The following KCNIP4 variants were observed in gnomAD, a reference collection of about 807,000 sequenced individuals.
The protein encoded by KCNIP4 is potassium voltage-gated channel interacting protein 4.
KCNIP4 carries 12 observed loss-of-function variants against 34.0 expected under a neutral mutation model. The ratio of observed to expected loss-of-function variants is 0.35; its 90% CI spans 0.23 to 0.57. KCNIP4 has a LOEUF of 0.57. Among genes scored for constraint, KCNIP4 ranks in the 20% least tolerant of loss-of-function variants. The pLI is 0.83. For synonymous variants in KCNIP4, 124 were observed against 102.2 expected (o/e 1.21, Z -1.29); for missense variants, 238 against 311.7 (o/e 0.76, Z 1.78).
At chr4:21,592,294 T>A (rs35823075) in intron 1 of KCNIP4, among the ~76,000 whole-genome samples, 23,314 of 152,110 alleles carry the variant, frequency 0.15, 2,074 homozygotes, top group South Asian at 0.21. Flanking sequence ...TTGGTAACTA[T>A]GGATCATGGA....
chr4:21,295,282 C>A (rs1763771368), intron 1 of KCNIP4, among the ~76,000 whole-genome samples: 1 of 152,120 alleles, frequency 6.6e-6, no homozygotes. Flanking sequence ...AGTGTTGAAT[C>A]CATGCCCTGG....
chr4:20,946,477 G>A (rs1295400430), intron 1 of KCNIP4, among the ~76,000 whole-genome samples: 1 of 152,196 alleles, frequency 6.6e-6, no homozygotes, highest in African/African-American at 2.4e-5. Flanking sequence ...TGCAGGGCCT[G>A]TGTGTACACT....
intron 1 of KCNIP4, among the ~76,000 whole-genome samples, chr4:21,917,055 A>G (rs1177771136): frequency 5.9e-5 from 9 of 152,226 alleles, no homozygotes; most frequent in Non-Finnish European, 2.9e-5. Context: ...TCTGTGGTCC[A>G]TTCCTTATGT....
At chr4:21,250,898 A>G (rs1760651571) in intron 1 of KCNIP4, among the ~76,000 whole-genome samples, 1 of 150,282 alleles carries the variant, frequency 6.7e-6, no homozygotes, top group African/African-American at 2.4e-5. Flanking sequence ...TATTATACTC[A>G]TATATGTTTC....
chr4:21,538,737 C>T (rs1394505906), intron 1 of KCNIP4, among the ~76,000 whole-genome samples: 1 of 152,192 alleles, frequency 6.6e-6, no homozygotes, highest in Non-Finnish European at 1.5e-5. Flanking sequence ...GTTTCGGCAT[C>T]TGAGCTATGT....
intron 1 of KCNIP4, among the ~76,000 whole-genome samples, chr4:21,459,927 C>T (rs546121232): frequency 1.3e-4 from 20 of 151,894 alleles, no homozygotes; most frequent in African/African-American, 4.6e-4. Context: ...TCCAGGTGGT[C>T]TCCCTGGAAA....
chr4:21,109,020 C>G (rs1748862851), intron 1 of KCNIP4, among the ~76,000 whole-genome samples: 1 of 152,178 alleles, frequency 6.6e-6, no homozygotes, highest in African/African-American at 2.4e-5. Flanking sequence ...TGGGGGGTGC[C>G]TCCCAGTTAG....
chr4:21,113,690 T>C (rs12646516), intron 1 of KCNIP4, among the ~76,000 whole-genome samples: 44,986 of 152,032 alleles, frequency 0.3, 7,441 homozygotes, highest in African/African-American at 0.45. Flanking sequence ...AATCCAAATT[T>C]GAGCATGTGT....
At chr4:20,871,182 TG>T (rs1286550260) in intron 2 of KCNIP4, among the ~76,000 whole-genome samples, 1 of 152,038 alleles carries the variant, frequency 6.6e-6, no homozygotes. Context: ...CAAGGTACAA[TG>T]GACATTAGAA....
chr4:21,128,703 A>G (rs1323831383), intron 1 of KCNIP4, among the ~76,000 whole-genome samples: 4 of 152,244 alleles, frequency 2.6e-5, no homozygotes, highest in Non-Finnish European at 5.9e-5. Flanking sequence ...CTCATTTGCA[A>G]CATGTTTAAA....
intron 2 of KCNIP4, among the ~76,000 whole-genome samples, chr4:20,877,905 A>G (rs1724234796): frequency 6.6e-6 from 1 of 151,758 alleles, no homozygotes; most frequent in East Asian, 1.9e-4. Flanking sequence ...AGCTACCTCA[A>G]TTGTGAATTG....
intron 1 of KCNIP4, among the ~76,000 whole-genome samples, chr4:21,239,590 A>T (rs1759642683): frequency 6.6e-6 from 1 of 152,240 alleles, no homozygotes; most frequent in Non-Finnish European, 1.5e-5. Flanking sequence ...TTCTCAAAAG[A>T]AGACATTTAT....
At chr4:20,907,556 T>A (rs988817067) in intron 1 of KCNIP4, among the ~76,000 whole-genome samples, 2 of 152,198 alleles carry the variant, frequency 1.3e-5, no homozygotes, top group African/African-American at 4.8e-5. Flanking sequence ...AGACATAGTT[T>A]TTTTGAGTAA....
intron 1 of KCNIP4, among the ~76,000 whole-genome samples, chr4:21,206,791 A>G (rs1756881326): frequency 1.3e-5 from 2 of 152,244 alleles, no homozygotes; most frequent in Non-Finnish European, 2.9e-5. Flanking sequence ...ACTGATCTTT[A>G]GAGAAGTTAA....
At chr4:21,259,979 A>T (rs928145859) in intron 1 of KCNIP4, among the ~76,000 whole-genome samples, 1 of 151,880 alleles carries the variant, frequency 6.6e-6, no homozygotes, top group Non-Finnish European at 1.5e-5. Flanking sequence ...TATTTGGAAC[A>T]GAACTGTGTG....
intron 1 of KCNIP4, among the ~76,000 whole-genome samples, chr4:21,003,928 A>G (rs1738345422): frequency 6.6e-6 from 1 of 152,188 alleles, no homozygotes; most frequent in African/African-American, 2.4e-5. Flanking sequence ...ATTCCATATT[A>G]CTAAAAAATG....
At chr4:21,288,406 C>G (rs1042983551) in intron 1 of KCNIP4, among the ~76,000 whole-genome samples, 1 of 151,792 alleles carries the variant, frequency 6.6e-6, no homozygotes, top group African/African-American at 2.4e-5. Flanking sequence ...ATCATTATTA[C>G]AGAACAAAAA....
At chr4:21,542,848 T>C (rs535892253) in intron 1 of KCNIP4, among the ~76,000 whole-genome samples, 494 of 151,788 alleles carry the variant, frequency 3.3e-3, no homozygotes, top group Non-Finnish European at 5.4e-3. Flanking sequence ...ATCAAATAAT[T>C]ACATTAAAAA....
chr4:21,542,697 T>A (rs1422891842), intron 1 of KCNIP4, among the ~76,000 whole-genome samples: 1 of 149,998 alleles, frequency 6.7e-6, no homozygotes, highest in Non-Finnish European at 1.5e-5. Context: ...CAAATATATA[T>A]AAAAATATAT....
Sources: allele counts gnomAD v4.1 joint callset (sites outside exome capture counted in the v4.1 genomes callset), GRCh38; gene constraint gnomAD v4.1.1; transcripts MANE v1.5; gene names NCBI Gene and HGNC (gene_info 2026-07-23, HGNC 2026-07-21).